VPS13C: variants seen among roughly 807,000 people sequenced by gnomAD.
VPS13C encodes vacuolar protein sorting 13 homolog C, also known as intermembrane lipid transfer protein VPS13C.
A neutral mutation model predicts 456.8 loss-of-function variants in VPS13C; 358 were observed. That is an observed-to-expected ratio of 0.78 (90% CI 0.72 to 0.86). VPS13C has a LOEUF of 0.86. Among genes scored for constraint, VPS13C ranks in the 40% least tolerant of loss-of-function variants. VPS13C has a pLI of 0.00. For synonymous variants in VPS13C, 1,578 were observed against 1,486.7 expected, an observed-to-expected ratio of 1.06 and a Z score of -1.41; for missense variants, 4,818 against 4,385.4, an observed-to-expected ratio of 1.10 and a Z score of -2.79.
chr15:62,023,203 G>C (rs967871576), intron 8 of VPS13C, among the ~76,000 whole-genome samples: 2 of 151,782 alleles, frequency 1.3e-5, no homozygotes, highest in African/African-American at 4.8e-5. Context: ...ATCAGCTTCA[G>C]AAAGGAACAC....
intron 36 of VPS13C, 83 bp downstream of exon 36, chr15:61,959,365 C>A: frequency 7.8e-7 from 1 of 1,283,236 alleles, no homozygotes; most frequent in Non-Finnish European, 1.1e-6. Flanking sequence ...GCAAAAGAGT[C>A]TACATTTCAT....
At chr15:61,984,647 C>G (rs1010876438) in intron 19 of VPS13C, among the ~76,000 whole-genome samples, 3 of 151,992 alleles carry the variant, frequency 2.0e-5, no homozygotes, top group Non-Finnish European at 2.9e-5. Context: ...TAAATATTCA[C>G]AAAGGAAAGG....
intron 24 of VPS13C, among the ~76,000 whole-genome samples, chr15:61,976,804 G>A (rs915594954): frequency 2.0e-5 from 3 of 151,934 alleles, no homozygotes; most frequent in Middle Eastern, 3.4e-3. Flanking sequence ...TAATGTGTTC[G>A]AAGATTTTAT....
Position 61,882,220 on chromosome 15 carries a change from G to C in VPS13C, c.9624+376C>G, listed in dbSNP as rs560515616. Among the ~76,000 whole-genome samples the C allele has an allele frequency of 4.7e-4, 71 of 152,256 alleles. No individual in the cohort carries two copies. In the South Asian group the frequency reaches 0.014, roughly 31 times the overall value. ...AACAGTACTTAACAGCTAAAAGGAA[G>C]GAAGGGAGGGATGCTGGGAGAGAGC... On this transcript the variant is annotated intron_variant, in intron 69 of 84. Transcript: ENST00000644861.
chr15:62,013,308 A>G (rs148628199), intron 10 of VPS13C, among the ~76,000 whole-genome samples, 189 bp from the exon 11 acceptor site: 2 of 152,152 alleles, frequency 1.3e-5, no homozygotes, highest in Admixed American at 1.3e-4. Flanking sequence ...TAAGTCTAGC[A>G]TTTGCTAAAT....
intron 37 of VPS13C, among the ~76,000 whole-genome samples, chr15:61,957,103 G>C (rs1171807816): frequency 1.3e-5 from 2 of 152,032 alleles, no homozygotes; most frequent in Non-Finnish European, 1.5e-5. Context: ...TCATATAACT[G>C]AATAGTGCAC....
intron 65 of VPS13C, among the ~76,000 whole-genome samples, chr15:61,907,736 C>G (rs1379774108): frequency 1.3e-5 from 2 of 152,132 alleles, no homozygotes; most frequent in African/African-American, 4.8e-5. Context: ...AACTTCTATT[C>G]AGTGCTTAAA....
At chr15:62,001,657 T>G (rs1231315238) in intron 15 of VPS13C, among the ~76,000 whole-genome samples, 4 of 152,188 alleles carry the variant, frequency 2.6e-5, no homozygotes, top group Admixed American at 2.0e-4. Context: ...CTCCCAATGC[T>G]ATCCCTCCCC....
intron 43 of VPS13C, 44 bp downstream of exon 43, chr15:61,947,149 A>T (rs1474047499): frequency 7.9e-7 from 1 of 1,272,978 alleles, no homozygotes. Flanking sequence ...TTTCCTAGTT[A>T]TGTAAAGAAA....
At chr15:61,902,928 A>G (rs2043044995) in intron 66 of VPS13C, among the ~76,000 whole-genome samples, 1 of 151,816 alleles carries the variant, frequency 6.6e-6, no homozygotes, top group Admixed American at 6.6e-5. Context: ...CAAACAACAT[A>G]TTACATTTAG....
At chr15:61,892,037 T>C (rs1235294801) in intron 66 of VPS13C, among the ~76,000 whole-genome samples, 1 of 152,134 alleles carries the variant, frequency 6.6e-6, no homozygotes, top group African/African-American at 2.4e-5. Context: ...ATTTCTACAC[T>C]GGATAAAGTG....
chr15:61,894,471 T>A (rs773712932), intron 66 of VPS13C, among the ~76,000 whole-genome samples: 5 of 152,074 alleles, frequency 3.3e-5, no homozygotes, highest in Non-Finnish European at 7.4e-5. Context: ...CAACTATATG[T>A]TGTCTACCAG....
intron 35 of VPS13C, among the ~76,000 whole-genome samples, chr15:61,960,951 C>T (rs566081872): frequency 1.3e-5 from 2 of 151,346 alleles, no homozygotes; most frequent in Non-Finnish European, 1.5e-5. Flanking sequence ...CATGATGGCA[C>T]GTGCCTATAG....
intron 38 of VPS13C, among the ~76,000 whole-genome samples, chr15:61,953,390 TC>T (rs1263457544): frequency 4.0e-5 from 3 of 75,224 alleles, no homozygotes; most frequent in Non-Finnish European, 7.3e-5. Context: ...CCCTCCCCCC[TC>T]CCCCGACCCC....
At chr15:61,884,542 T>A (rs1896125921) in intron 67 of VPS13C, among the ~76,000 whole-genome samples, 1 of 152,074 alleles carries the variant, frequency 6.6e-6, no homozygotes, top group Admixed American at 6.6e-5. Flanking sequence ...GTAAATATTT[T>A]AGGCTTTCTG....
At chr15:62,051,992 C>G (rs2048635294) in intron 1 of VPS13C, among the ~76,000 whole-genome samples, 1 of 152,200 alleles carries the variant, frequency 6.6e-6, no homozygotes, top group Non-Finnish European at 1.5e-5. Context: ...CTAAAGAGAT[C>G]TGGTAGTTTA....
chr15:61,930,055 T>G (rs1000445618), intron 50 of VPS13C, among the ~76,000 whole-genome samples: 13 of 152,124 alleles, frequency 8.5e-5, no homozygotes, highest in Non-Finnish European at 1.6e-4. Context: ...AACAAACCAA[T>G]AATGGCCGGA....
At chr15:61,872,099 T>A in intron 78 of VPS13C, 65 bp from the exon 79 acceptor site, 1 of 1,368,092 alleles carries the variant, frequency 7.3e-7, no homozygotes, top group Non-Finnish European at 1.0e-6. Flanking sequence ...AACCAACCAC[T>A]AGAGGTCTCT....
intron 66 of VPS13C, among the ~76,000 whole-genome samples, chr15:61,892,617 A>AG (rs1446888804): frequency 1.3e-5 from 2 of 152,220 alleles, no homozygotes; most frequent in African/African-American, 4.8e-5. Flanking sequence ...AACAGCAAGC[A>AG]GGGAACCATG....
Sources: gnomAD v4.1 joint callset for allele counts (sites outside exome capture counted in the v4.1 genomes callset) on GRCh38, gnomAD v4.1.1 for gene constraint, MANE v1.5 for transcripts, NCBI Gene and HGNC (gene_info 2026-07-23, HGNC 2026-07-21) for gene names.